AGAP5: variants seen among roughly 807,000 people sequenced by gnomAD.
AGAP5 encodes ArfGAP with GTPase domain, ankyrin repeat and PH domain 5, also known as arf-GAP with GTPase, ANK repeat and PH domain-containing protein 5.
In AGAP5, 8 loss-of-function variants were observed where a neutral mutation model predicts 27.7. That is an observed-to-expected ratio of 0.29 (90% confidence interval 0.17 to 0.52). The LOEUF (loss-of-function observed/expected upper bound fraction) is 0.52, where lower values mean the gene tolerates loss of function less well. AGAP5 is among the 20% of genes least tolerant of loss of function. The probability of loss-of-function intolerance (pLI) is 0.97; values close to 1 mark genes in which losing one functional copy is unlikely to be tolerated. For missense variants in AGAP5, 285 were observed against 880.8 expected (o/e 0.32, Z 8.56); for synonymous variants, 111 against 338.0 (o/e 0.33, Z 7.37).
Position 73,697,793 on chromosome 10 carries a change from C to A in AGAP5, c.-38G>T. ...CTGTCTGCCACCACCTGTGCCTCTGCTCACAGCTTTGGCCACACACTCCCA... is the reference window on the plus strand; with the variant it reads ...CTGTCTGCCACCACCTGTGCCTCTGATCACAGCTTTGGCCACACACTCCCA... On this transcript the variant is annotated 5_prime_UTR_variant, in exon 1 of 8. Transcript: ENST00000374094. The A allele has an allele frequency of 6.3e-7, 1 of 1,596,128 alleles. No homozygotes were observed. The highest frequency in any genetic ancestry group is 8.5e-7 in the Non-Finnish European group (1 of 1,178,986).
At position 73,674,401 on chromosome 10, in the gene AGAP5, C is replaced by T. The variant is rs1217285271; in HGVS notation, c.*198G>A. The T allele has an allele frequency of 4.1e-6, 3 of 727,010 alleles. No homozygotes were observed. Among genetic ancestry groups the T allele is most frequent in the East Asian group, 2.7e-5 (1 of 36,886 alleles). 45.0% of individuals were successfully genotyped at this position (727,010 alleles called of 1,614,324 possible). A position where few individuals can be genotyped will look rare whatever the true frequency, so the allele number is the denominator to read the frequency against. The stretch of plus-strand genomic sequence containing the variant: ...TGGCCAGGAGGGCCTGAGACTAACA[C>T]ATCCACCTTGGCAAAAGGACATAAA... On this transcript the variant is annotated 3_prime_UTR_variant, in exon 8 of 8. Transcript: ENST00000374094.
chr10:73,685,712 C>T (rs776564018), intron 4 of AGAP5, among the ~76,000 whole-genome samples: 69 of 152,082 alleles, frequency 4.5e-4, no homozygotes, highest in Middle Eastern at 3.4e-3. Flanking sequence ...ACCACCACGC[C>T]CGGCTAACTT....
intron 4 of AGAP5, among the ~76,000 whole-genome samples, chr10:73,689,737 A>G (rs1426988641): frequency 6.8e-6 from 1 of 146,570 alleles, no homozygotes; most frequent in African/African-American, 2.6e-5. Flanking sequence ...AGAAGTGAGG[A>G]GCCCCTCCGC....
At chr10:73,693,498 G>C (rs2082135849) in intron 3 of AGAP5, among the ~76,000 whole-genome samples, 1 of 67,104 alleles carries the variant, frequency 1.5e-5, no homozygotes, top group African/African-American at 6.2e-5. Context: ...AGGAGTTTCA[G>C]ACCAGCCTGG....
chr10:73,690,682 T>G (rs1056129494), intron 4 of AGAP5, among the ~76,000 whole-genome samples: 2 of 150,490 alleles, frequency 1.3e-5, no homozygotes, highest in African/African-American at 4.9e-5. Flanking sequence ...CCTAGAGGTG[T>G]ACTCTCTATC....
chr10:73,677,370 A>C (rs2081988260), intron 6 of AGAP5, among the ~76,000 whole-genome samples: 1 of 130,104 alleles, frequency 7.7e-6, no homozygotes, highest in African/African-American at 2.9e-5. Context: ...AGAGGTCATA[A>C]CTGTTCTTTT....
At chr10:73,687,879 A>G (rs979914473) in intron 4 of AGAP5, among the ~76,000 whole-genome samples, 1 of 152,218 alleles carries the variant, frequency 6.6e-6, no homozygotes, top group African/African-American at 2.4e-5. Flanking sequence ...AAGGAGTGGT[A>G]AATAACACAG....
intron 4 of AGAP5, among the ~76,000 whole-genome samples, chr10:73,688,984 T>TGCCGCC (rs1369054838): frequency 1.3e-5 from 2 of 151,964 alleles, no homozygotes; most frequent in African/African-American, 4.8e-5. Flanking sequence ...CCTCTGCCTC[T>TGCCGCC]GCCGCCTCCG....
chr10:73,694,893 T>A (rs2082148311), intron 2 of AGAP5, 89 bp from the exon 3 acceptor site: 1 of 1,594,430 alleles, frequency 6.3e-7, no homozygotes, highest in Admixed American at 1.7e-5. Flanking sequence ...ATTTAGGCTA[T>A]TTCACTATCT....
chr10:73,697,407 C>T (rs1355068225), intron 1 of AGAP5, 126 bp downstream of exon 1: 18 of 1,580,200 alleles, frequency 1.1e-5, no homozygotes, highest in Non-Finnish European at 1.5e-5. Flanking sequence ...TTGTTCCTGG[C>T]CAGCCCCCGG....
Position 73,697,439 on chromosome 10 carries a change from A to G in AGAP5, c.223+94T>C, listed in dbSNP as rs894678451. On this transcript the variant is annotated intron_variant, in intron 1 of 7. Coordinates refer to ENST00000374094, the MANE Select transcript of AGAP5 (RefSeq NM_001144000.4). The stretch of plus-strand genomic sequence containing the variant: ...CCGGGAAAGCTGGCTACAAGCAGAA[A>G]GGAGCTCAAAGTGGGGGATGCCGTA... 81 of 1,597,986 alleles carry G rather than the reference A, an allele frequency of 5.1e-5. No homozygotes were observed. The Middle Eastern group carries it at 6.4e-4, about 13-fold the overall frequency.
At chr10:73,692,698 A>G (rs1273663993) in intron 3 of AGAP5, among the ~76,000 whole-genome samples, 3 of 129,396 alleles carry the variant, frequency 2.3e-5, no homozygotes, top group Non-Finnish European at 4.6e-5. Flanking sequence ...GCTCGAGTGC[A>G]GTGGCGGGAT....
chr10:73,693,661 T>G (rs1432444914), intron 3 of AGAP5, among the ~76,000 whole-genome samples: 1 of 149,072 alleles, frequency 6.7e-6, no homozygotes, highest in Non-Finnish European at 1.5e-5. Flanking sequence ...ATCATGCCAC[T>G]GCACTCCAGC....
chr10:73,697,488 A>C, intron 1 of AGAP5, 45 bp downstream of exon 1: 3 of 1,607,734 alleles, frequency 1.9e-6, no homozygotes, highest in Non-Finnish European at 8.5e-7. Flanking sequence ...GGACAGCAGC[A>C]GCCAGAGGCA....
chr10:73,691,955 C>T (rs1219740319), intron 4 of AGAP5, 88 bp downstream of exon 4: 2 of 1,178,120 alleles, frequency 1.7e-6, no homozygotes, highest in Non-Finnish European at 2.3e-6. Context: ...CTACCACCAC[C>T]AGGTCCACAT....
chr10:73,696,572 C>T (rs2082163787), intron 2 of AGAP5, among the ~76,000 whole-genome samples: 1 of 152,196 alleles, frequency 6.6e-6, no homozygotes, highest in African/African-American at 2.4e-5. Flanking sequence ...TCTGGAGACA[C>T]ATTTTCTGTT....
chr10:73,686,100 CA>C (rs2082061698), intron 4 of AGAP5, among the ~76,000 whole-genome samples: 1 of 152,192 alleles, frequency 6.6e-6, no homozygotes, highest in African/African-American at 2.4e-5. Flanking sequence ...ATAGCCAAAA[CA>C]AAACTAAGCA....
At chr10:73,687,314 G>A (rs112639855) in intron 4 of AGAP5, among the ~76,000 whole-genome samples, 1 of 152,066 alleles carries the variant, frequency 6.6e-6, no homozygotes, top group Non-Finnish European at 1.5e-5. Flanking sequence ...GAGTGCAGTG[G>A]TGCAATTATA....
At position 73,697,963 on chromosome 10, in the gene AGAP5, G is replaced by A. The variant is rs1176873520; in HGVS notation, c.-208C>T. 28 of 1,502,076 alleles carry A rather than the reference G, an allele frequency of 1.9e-5. No individual in the cohort carries two copies. The highest frequency in any genetic ancestry group is 1.9e-5 in the Non-Finnish European group (21 of 1,130,376). 93.0% of individuals were successfully genotyped at this position (1,502,076 alleles called of 1,614,324 possible). A position where few individuals can be genotyped will look rare whatever the true frequency, so the allele number is the denominator to read the frequency against. On this transcript the variant is annotated 5_prime_UTR_variant, in exon 1 of 8. Transcript: ENST00000374094. ...TGCGGGTCAAGGCCCACACCCTGCT[G>A]CCTCCCCTGAGTTGACTTGTCTGGG...
Sources: gnomAD v4.1 joint callset for allele counts (sites outside exome capture counted in the v4.1 genomes callset) on GRCh38, gnomAD v4.1.1 for gene constraint, MANE v1.5 for transcripts, NCBI Gene and HGNC (gene_info 2026-07-23, HGNC 2026-07-21) for gene names.